The following RSBN1L variants were observed in gnomAD, a reference collection of about 807,000 sequenced individuals.
RSBN1L encodes round spermatid basic protein 1 like.
Under a neutral mutation model 67.7 loss-of-function variants are expected in RSBN1L, and 30 were observed. The observed-to-expected ratio is 0.44, with a 90% CI of 0.33 to 0.60. The LOEUF (loss-of-function observed/expected upper bound fraction) is 0.60. RSBN1L is among the 20% of genes least tolerant of loss of function. The pLI is 0.02. For missense variants in RSBN1L, 992 were observed against 1,031.7 expected (o/e 0.96, Z 0.53); for synonymous variants, 433 against 387.0 (o/e 1.12, Z -1.39).
intron 1 of RSBN1L, among the ~76,000 whole-genome samples, chr7:77,702,653 C>G (rs1790833904): frequency 1.3e-5 from 2 of 152,040 alleles, no homozygotes; most frequent in Admixed American, 1.3e-4. Flanking sequence ...GGAGGGGTGT[C>G]TTAGTCACTC....
intron 2 of RSBN1L, among the ~76,000 whole-genome samples, chr7:77,745,712 A>G (rs1269855953): frequency 3.9e-5 from 6 of 152,190 alleles, no homozygotes; most frequent in Non-Finnish European, 7.3e-5. Flanking sequence ...TGATTCAAGG[A>G]CACTACATTT....
chr7:77,744,118 A>G (rs1031841558), intron 2 of RSBN1L, among the ~76,000 whole-genome samples: 2 of 151,964 alleles, frequency 1.3e-5, no homozygotes, highest in East Asian at 3.9e-4. Flanking sequence ...AGCATCCTCA[A>G]CCTACTGTGC....
chr7:77,768,070 A>G (rs1354824872), intron 4 of RSBN1L, among the ~76,000 whole-genome samples: 2 of 150,212 alleles, frequency 1.3e-5, no homozygotes, highest in Non-Finnish European at 3.0e-5. Flanking sequence ...GACGGTCTCG[A>G]TATCTTGATA....
chr7:77,750,116 GA>G, intron 3 of RSBN1L, 52 bp downstream of exon 3: 1 of 1,136,792 alleles, frequency 8.8e-7, no homozygotes, highest in South Asian at 2.1e-5. Context: ...ATTTTTAGAT[GA>G]GTTTCTGTTT....
Position 77,778,671 on chromosome 7 carries a change from T to A in RSBN1L, c.2044T>A (p.Cys682Ser), listed in dbSNP as rs1397702259. 8.1e-6 allele frequency: 13 copies of A among 1,614,112 alleles called. No individual in the cohort carries two copies. The highest frequency in any genetic ancestry group is 1.1e-5 in the Non-Finnish European group (13 of 1,179,992). ...TCAGTTCAAGACAGTTTCAGCTGTA[T>A]GCAGTTTAGCATGGCATATTCGGCT... ...VHQFKTVSAV[C>S]SLAWHIRLKL... The change falls in exon 8 of 8, where the codon TGC (cysteine) becomes AGC (serine). Residue 682 changes from cysteine (C) to serine (S), a missense_variant. By Grantham distance (112) the Cys-to-Ser change is moderately radical. Around this residue, in one of 7 missense-constraint regions of RSBN1L, gnomAD observed 55 missense variants for 112.8 expected, o/e 0.49. Coordinates refer to ENST00000334955, the MANE Select transcript of RSBN1L (RefSeq NM_198467.3).
At chr7:77,777,645 T>C (rs1384595459) in intron 6 of RSBN1L, among the ~76,000 whole-genome samples, 1 of 152,146 alleles carries the variant, frequency 6.6e-6, no homozygotes, top group African/African-American at 2.4e-5. Context: ...TCAGATTTTC[T>C]CTTTTATCAC....
chr7:77,741,358 T>C (rs1030946200), intron 2 of RSBN1L, among the ~76,000 whole-genome samples: 3 of 152,042 alleles, frequency 2.0e-5, no homozygotes, highest in African/African-American at 4.8e-5. Context: ...CTTTCTGTTA[T>C]AGGTACCTGT....
chr7:77,731,649 G>A (rs1028089579), intron 1 of RSBN1L, among the ~76,000 whole-genome samples: 1 of 151,998 alleles, frequency 6.6e-6, no homozygotes, highest in Non-Finnish European at 1.5e-5. Flanking sequence ...ATAGTCTGTG[G>A]CTTCTTTTTA....
intron 2 of RSBN1L, among the ~76,000 whole-genome samples, chr7:77,746,102 C>G (rs987840052): frequency 1.3e-5 from 2 of 152,098 alleles, no homozygotes; most frequent in Admixed American, 6.6e-5. Context: ...GGTCTGTTGC[C>G]CTGGGATTGG....
At chr7:77,714,833 G>A (rs1056459094) in intron 1 of RSBN1L, among the ~76,000 whole-genome samples, 2 of 151,910 alleles carry the variant, frequency 1.3e-5, no homozygotes, top group African/African-American at 2.4e-5. Context: ...CATGGTGGCA[G>A]GCGCCTGTAG....
chr7:77,752,363 A>G (rs1014183335), intron 3 of RSBN1L, among the ~76,000 whole-genome samples: 1 of 152,200 alleles, frequency 6.6e-6, no homozygotes, highest in South Asian at 2.1e-4. Flanking sequence ...TAAAGGCAGG[A>G]AAGTACATGT....
chr7:77,778,476 T>C, intron 7 of RSBN1L, 30 bp downstream of exon 7: 1 of 1,595,710 alleles, frequency 6.3e-7, no homozygotes, highest in East Asian at 2.2e-5. Flanking sequence ...TGTCTTTGGT[T>C]TAGTTTTTAT....
intron 2 of RSBN1L, 90 bp from the exon 3 acceptor site, chr7:77,749,334 G>A: frequency 1.0e-6 from 1 of 985,114 alleles, no homozygotes; most frequent in East Asian, 2.7e-5. Flanking sequence ...ATTTTCAGAA[G>A]TAAACTTCTT....
At chr7:77,725,963 AAC>A (rs2150417809) in intron 1 of RSBN1L, among the ~76,000 whole-genome samples, 1 of 152,044 alleles carries the variant, frequency 6.6e-6, no homozygotes, top group African/African-American at 2.4e-5. Flanking sequence ...TTTTTTAGTT[AAC>A]AGTGTGTCTT....
chr7:77,748,302 G>A (rs975480646), intron 2 of RSBN1L, among the ~76,000 whole-genome samples: 1 of 152,182 alleles, frequency 6.6e-6, no homozygotes, highest in African/African-American at 2.4e-5. Context: ...AATCAAGGAT[G>A]AGCTGGATAA....
intron 1 of RSBN1L, among the ~76,000 whole-genome samples, chr7:77,724,872 C>G (rs1400413415): frequency 7.5e-6 from 1 of 133,656 alleles, no homozygotes; most frequent in Non-Finnish European, 1.6e-5. Flanking sequence ...GACGGAGTTT[C>G]GCTTTTGTGG....
At chr7:77,767,825 C>T (rs1399409014) in intron 4 of RSBN1L, among the ~76,000 whole-genome samples, 3 of 58,272 alleles carry the variant, frequency 5.1e-5, no homozygotes, top group East Asian at 1.7e-3. Flanking sequence ...CCCCCTCCCC[C>T]CTTCTCCCTC....
chr7:77,776,852 T>C (rs1178793888), intron 6 of RSBN1L, among the ~76,000 whole-genome samples: 1 of 152,082 alleles, frequency 6.6e-6, no homozygotes, highest in Non-Finnish European at 1.5e-5. Context: ...TTTTTTTTAA[T>C]CCAGTGACAA....
chr7:77,715,392 G>A (rs1791032694), intron 1 of RSBN1L, among the ~76,000 whole-genome samples: 1 of 152,096 alleles, frequency 6.6e-6, no homozygotes, highest in Non-Finnish European at 1.5e-5. Context: ...GTGTAGTGGT[G>A]TGATCTCGGC....
Sources: allele counts gnomAD v4.1 joint callset (sites outside exome capture counted in the v4.1 genomes callset), GRCh38; gene constraint gnomAD v4.1.1; regional missense constraint gnomAD v4.1.1; transcripts MANE v1.5; gene names NCBI Gene and HGNC (gene_info 2026-07-23, HGNC 2026-07-21).